The following AUTS2 variants were observed in gnomAD, a reference collection of about 807,000 sequenced individuals.
AUTS2 encodes the protein activator of transcription and developmental regulator AUTS2.
A neutral mutation model predicts 112.4 loss-of-function variants in AUTS2; 17 were observed. The ratio of observed to expected loss-of-function variants is 0.15; its 90% CI spans 0.10 to 0.23. The LOEUF (loss-of-function observed/expected upper bound fraction) is 0.23. Ranked by LOEUF, AUTS2 falls within the 10% of genes least tolerant of loss-of-function variation. The pLI, the probability that AUTS2 is intolerant of heterozygous loss-of-function variation, is 1.00. For missense variants in AUTS2, 1,510 were observed against 1,701.6 expected (o/e 0.89, Z 1.98); for synonymous variants, 751 against 702.7 (o/e 1.07, Z -1.09).
Position 69,939,134 on chromosome 7 carries a change from C to T in AUTS2, c.522+39636C>T, listed in dbSNP as rs1033816258. 3.9e-5 allele frequency among the ~76,000 whole-genome samples: 6 copies of T among 152,246 alleles called. No individual in the cohort carries two copies. The East Asian group carries it at 7.7e-4, about 20-fold the overall frequency. ...ATGTTATCTTTAACATGTGTATCAA[C>T]TTTCTTACCTATAAATGCTGGTGAC... On this transcript the variant is annotated intron_variant, in intron 2 of 18. Coordinates refer to ENST00000342771, the MANE Select transcript of AUTS2 (RefSeq NM_015570.4).
At chr7:69,909,991 A>G (rs1304030960) in intron 2 of AUTS2, among the ~76,000 whole-genome samples, 2 of 152,214 alleles carry the variant, frequency 1.3e-5, no homozygotes, top group Non-Finnish European at 2.9e-5. Flanking sequence ...TGAAATACAA[A>G]GCTGGGTGGT....
At chr7:69,933,055 A>G in intron 2 of AUTS2, among the ~76,000 whole-genome samples, 1 of 152,228 alleles carries the variant, frequency 6.6e-6, no homozygotes, top group East Asian at 1.9e-4. Context: ...CACGTTGGTT[A>G]CACTGGTGTG....
chr7:70,582,117 T>A (rs1332397533), intron 5 of AUTS2, among the ~76,000 whole-genome samples: 2 of 151,842 alleles, frequency 1.3e-5, no homozygotes, highest in African/African-American at 4.8e-5. Flanking sequence ...AGGTAATGAG[T>A]TGTTTTATTC....
chr7:70,639,737 A>T (rs1327030948), intron 5 of AUTS2, among the ~76,000 whole-genome samples: 4 of 148,608 alleles, frequency 2.7e-5, no homozygotes, highest in Non-Finnish European at 4.4e-5. Flanking sequence ...CAGTTTCCCT[A>T]TTGGAAACCA....
chr7:70,450,895 A>G (rs1483971651), intron 5 of AUTS2, among the ~76,000 whole-genome samples: 1 of 152,184 alleles, frequency 6.6e-6, no homozygotes, highest in East Asian at 1.9e-4. Flanking sequence ...TCAGGTTTCA[A>G]GTCAGGCTGA....
intron 1 of AUTS2, among the ~76,000 whole-genome samples, chr7:69,706,247 G>A (rs1226918581): frequency 2.0e-5 from 3 of 152,200 alleles, no homozygotes; most frequent in Non-Finnish European, 2.9e-5. Context: ...TGGTGGAAAT[G>A]AGATTTTGAT....
chr7:69,955,187 G>A (rs975498446), intron 2 of AUTS2, among the ~76,000 whole-genome samples: 1 of 152,132 alleles, frequency 6.6e-6, no homozygotes, highest in Non-Finnish European at 1.5e-5. Flanking sequence ...TCAAGGGTGT[G>A]TTCAGAGGTG....
intron 1 of AUTS2, among the ~76,000 whole-genome samples, chr7:69,659,775 G>T (rs1456832227): frequency 6.6e-6 from 1 of 151,822 alleles, no homozygotes; most frequent in African/African-American, 2.4e-5. Context: ...TCATCGTTTG[G>T]TGCATAAATC....
chr7:70,045,171 T>C (rs1197843573), intron 2 of AUTS2, among the ~76,000 whole-genome samples: 1 of 152,220 alleles, frequency 6.6e-6, no homozygotes, highest in Non-Finnish European at 1.5e-5. Context: ...AGAAGATAGT[T>C]AATCCTGGGG....
At chr7:70,688,057 G>A (rs745866485) in intron 5 of AUTS2, among the ~76,000 whole-genome samples, 61 of 152,150 alleles carry the variant, frequency 4.0e-4, no homozygotes, top group Admixed American at 2.1e-3. Flanking sequence ...TTGCTTGACT[G>A]CCATGAGTAA....
intron 4 of AUTS2, among the ~76,000 whole-genome samples, chr7:70,233,193 T>C (rs1812148463): frequency 6.6e-6 from 1 of 152,196 alleles, no homozygotes; most frequent in South Asian, 2.1e-4. Flanking sequence ...TGAATCCCTC[T>C]TGTAGAAACT....
chr7:69,857,531 C>A (rs1022809239), intron 1 of AUTS2, among the ~76,000 whole-genome samples: 1 of 152,166 alleles, frequency 6.6e-6, no homozygotes, highest in Non-Finnish European at 1.5e-5. Flanking sequence ...ACCTCATTCT[C>A]TGAAGGGAGG....
chr7:70,641,114 T>C (rs952087512), intron 5 of AUTS2, among the ~76,000 whole-genome samples: 1 of 152,220 alleles, frequency 6.6e-6, no homozygotes, highest in Non-Finnish European at 1.5e-5. Context: ...TTTCTAGTTA[T>C]GCTCAGTACT....
chr7:70,380,126 C>T (rs530630067), intron 4 of AUTS2, among the ~76,000 whole-genome samples: 114 of 152,278 alleles, frequency 7.5e-4, no homozygotes, highest in Non-Finnish European at 1.4e-3. Flanking sequence ...CTTCTTGGAG[C>T]TCTTCAGCAT....
chr7:70,601,255 A>G (rs1192889325), intron 5 of AUTS2, among the ~76,000 whole-genome samples: 1 of 152,144 alleles, frequency 6.6e-6, no homozygotes, highest in Non-Finnish European at 1.5e-5. Flanking sequence ...TTTAGTTTGC[A>G]TTTCCCTAAT....
At chr7:70,520,633 A>G (rs1288622157) in intron 5 of AUTS2, among the ~76,000 whole-genome samples, 1 of 152,170 alleles carries the variant, frequency 6.6e-6, no homozygotes, top group African/African-American at 2.4e-5. Flanking sequence ...TTTCCTTCGC[A>G]GTACTTTCTG....
chr7:70,288,217 G>A (rs1318085253), intron 4 of AUTS2, among the ~76,000 whole-genome samples: 1 of 152,020 alleles, frequency 6.6e-6, no homozygotes. Context: ...TTGAGACCAC[G>A]GTGAAACCCC....
chr7:69,892,147 T>G (rs1562953592), intron 1 of AUTS2, among the ~76,000 whole-genome samples: 1 of 149,754 alleles, frequency 6.7e-6, no homozygotes, highest in African/African-American at 2.5e-5. Context: ...AAAATTGGGT[T>G]GTTTCCTTTT....
At chr7:69,943,039 T>A (rs953604463) in intron 2 of AUTS2, among the ~76,000 whole-genome samples, 4 of 152,236 alleles carry the variant, frequency 2.6e-5, no homozygotes, top group Non-Finnish European at 4.4e-5. Context: ...CACCCACACA[T>A]GTGTATACAT....
Sources: gnomAD v4.1 joint callset for allele counts (sites outside exome capture counted in the v4.1 genomes callset) on GRCh38, gnomAD v4.1.1 for gene constraint, MANE v1.5 for transcripts, NCBI Gene and HGNC (gene_info 2026-07-23, HGNC 2026-07-21) for gene names.